The following NUP205 variants were observed in gnomAD, a reference collection of about 807,000 sequenced individuals.
NUP205 encodes the protein nucleoporin 205.
A neutral mutation model predicts 253.8 loss-of-function variants in NUP205; 76 were observed. The observed-to-expected ratio is 0.30, with a 90% CI of 0.25 to 0.36. The LOEUF (loss-of-function observed/expected upper bound fraction) is 0.36, where lower values mean the gene tolerates loss of function less well. Among genes scored for constraint, NUP205 ranks in the 10% least tolerant of loss-of-function variants. The probability of loss-of-function intolerance (pLI) is 1.00; values close to 1 mark genes in which losing one functional copy is unlikely to be tolerated. For synonymous variants in NUP205, 832 were observed against 850.1 expected (o/e 0.98, Z 0.37); for missense variants, 2,162 against 2,425.5 (o/e 0.89, Z 2.28).
chr7:135,618,768 G>C (rs1261689690), intron 28 of NUP205, among the ~76,000 whole-genome samples, 165 bp downstream of exon 28: 2 of 152,306 alleles, frequency 1.3e-5, no homozygotes, highest in Admixed American at 6.5e-5. Context: ...CTGTACAGTA[G>C]TGGCTCTCAA....
intron 36 of NUP205, among the ~76,000 whole-genome samples, chr7:135,635,966 G>C (rs1012485904): frequency 3.3e-5 from 5 of 151,994 alleles, no homozygotes; most frequent in Admixed American, 6.6e-5. Context: ...CATAGTTTTG[G>C]TTACATTAAT....
intron 32 of NUP205, among the ~76,000 whole-genome samples, chr7:135,625,571 CCTCA>C (rs1297405718): frequency 2.0e-5 from 3 of 152,280 alleles, no homozygotes; most frequent in African/African-American, 2.4e-5. Context: ...CTGCTGCTTC[CCTCA>C]CTCACTCAGG....
intron 36 of NUP205, among the ~76,000 whole-genome samples, chr7:135,637,048 C>A (rs1405133495): frequency 6.6e-6 from 1 of 152,116 alleles, no homozygotes; most frequent in East Asian, 1.9e-4. Context: ...GTATTATGTA[C>A]GTGTATACCT....
chr7:135,594,724 A>G lies in NUP205; in HGVS notation c.2008A>G (p.Thr670Ala), dbSNP rs766483323. 3.5e-5 allele frequency: 56 copies of G among 1,611,452 alleles called. No individual in the cohort carries two copies. The highest frequency in any genetic ancestry group is 2.2e-4 in the Admixed American group (13 of 59,694). ...AASLWQSLEY[T>A]QILQTVRIPS... ...TTCCCTCTGGCAGTCATTGGAATAC[A>G]CTCAGGTAGGGCTCTGAAGTCCCTT... Residue 670 changes from threonine to alanine, a missense_variant, in exon 13 of 43, where the codon ACT becomes GCT. Coordinates refer to ENST00000285968, the MANE Select transcript of NUP205 (RefSeq NM_015135.3).
chr7:135,591,461 A>G lies in NUP205; in HGVS notation c.1485A>G (p.Ser495=). ...TCTCTCTTTTTCAGGTTGTCTTGTC[A>G]AAGTTTGTTAGGCAAATGGGTGACC... ...QRPPQRQVVL[S]KFVRQMGDLL... is the part of the protein sequence containing the mutation. The change falls in exon 11 of 43, where the codon TCA becomes TCG. Residue 495 remains serine, a synonymous_variant. Coordinates refer to ENST00000285968, the MANE Select transcript of NUP205 (RefSeq NM_015135.3). The G allele has an allele frequency of 1.2e-6, 2 of 1,613,952 alleles. No individual in the cohort carries two copies. Among genetic ancestry groups the G allele is most frequent in the Non-Finnish European group, 1.7e-6 (2 of 1,179,882 alleles).
At chr7:135,558,957 CA>C (rs1305530524) in intron 1 of NUP205, among the ~76,000 whole-genome samples, 1 of 152,166 alleles carries the variant, frequency 6.6e-6, no homozygotes, top group Non-Finnish European at 1.5e-5. Flanking sequence ...TTTTGTAAAT[CA>C]AATCATTTCA....
At chr7:135,597,971 C>G (rs748496440) in intron 14 of NUP205, 27 bp from the exon 15 acceptor site, 1 of 1,584,032 alleles carries the variant, frequency 6.3e-7, no homozygotes, top group African/African-American at 1.3e-5. Context: ...TTTTTATTAC[C>G]AAGTTTTCTT....
At chr7:135,647,764 G>T (rs1465091504) in intron 42 of NUP205, among the ~76,000 whole-genome samples, 1 of 152,130 alleles carries the variant, frequency 6.6e-6, no homozygotes. Context: ...CTCACACTCT[G>T]TGTTGTGATT....
chr7:135,616,720 A>G lies in NUP205; in HGVS notation c.3526A>G (p.Thr1176Ala), dbSNP rs895892622. 6.5e-6 allele frequency: 10 copies of G among 1,549,506 alleles called. No individual in the cohort carries two copies. The highest frequency in any genetic ancestry group is 8.7e-6 in the Non-Finnish European group (10 of 1,149,594). Residue 1176 changes from threonine to alanine, a missense_variant, in exon 25 of 43, where the codon ACA becomes GCA. Around this residue, in one of 5 missense-constraint regions of NUP205, gnomAD observed 1,144 missense variants for 1,280.9 expected, o/e 0.89. Transcript: ENST00000285968. ...VSGFLHFDTA[T>A]KVRRKILNIL... ...TGGGTTCCTTCACTTTGACACTGCT[A>G]CAAAAGGTAATGCCCTTTGAATTTG...
At chr7:135,643,819 A>C (rs757598315) in intron 39 of NUP205, among the ~76,000 whole-genome samples, 36 of 152,174 alleles carry the variant, frequency 2.4e-4, no homozygotes, top group Non-Finnish European at 7.4e-5. Flanking sequence ...TTAATAACTA[A>C]AGATGCTGCA....
At chr7:135,571,344 T>A in intron 2 of NUP205, 97 bp downstream of exon 2, 1 of 884,622 alleles carries the variant, frequency 1.1e-6, no homozygotes, top group African/African-American at 1.8e-5. Context: ...TTTTCAAATT[T>A]TTTTCAGAAA....
At chr7:135,587,774 T>C in intron 9 of NUP205, 81 bp from the exon 10 acceptor site, 1 of 1,540,296 alleles carries the variant, frequency 6.5e-7, no homozygotes, top group South Asian at 1.2e-5. Flanking sequence ...TCAGGTGTAA[T>C]ACTTTAAATG....
Position 135,607,378 on chromosome 7 carries a change from A to C in NUP205, c.3195+7A>C. The C allele has an allele frequency of 1.2e-6, 2 of 1,612,782 alleles. No homozygotes were observed. The highest frequency in any genetic ancestry group is 1.7e-6 in the Non-Finnish European group (2 of 1,179,418). Reference sequence around the variant, plus strand: ...GGCTGAGCTATGTTACCAGGTACACAGAAAACTGCGTTTTGTGGTACTGAA... The same window carrying C: ...GGCTGAGCTATGTTACCAGGTACACCGAAAACTGCGTTTTGTGGTACTGAA... On this transcript the variant is annotated splice_region_variant and intron_variant, in intron 22 of 42. Transcript: ENST00000285968.
intron 33 of NUP205, among the ~76,000 whole-genome samples, chr7:135,627,704 A>G (rs1370029259): frequency 6.6e-6 from 1 of 152,202 alleles, no homozygotes; most frequent in Non-Finnish European, 1.5e-5. Flanking sequence ...ATGTTTTGGA[A>G]GTTTCAAGCA....
chr7:135,579,094 A>G (rs751350588), intron 7 of NUP205, among the ~76,000 whole-genome samples, 179 bp downstream of exon 7: 3 of 152,212 alleles, frequency 2.0e-5, no homozygotes, highest in Non-Finnish European at 4.4e-5. Flanking sequence ...CTTGTCTCTC[A>G]AAAATATCAT....
chr7:135,585,294 A>G (rs374412486), intron 8 of NUP205, among the ~76,000 whole-genome samples: 38 of 152,282 alleles, frequency 2.5e-4, no homozygotes, highest in African/African-American at 8.7e-4. Flanking sequence ...TTCTATGTAC[A>G]CCTGAAGGGA....
intron 21 of NUP205, 105 bp from the exon 22 acceptor site, chr7:135,607,142 A>T: frequency 7.3e-7 from 1 of 1,375,856 alleles, no homozygotes; most frequent in Non-Finnish European, 1.0e-6. Context: ...AAGAGTGTTT[A>T]CAGTACAGCA....
chr7:135,593,037 T>C lies in NUP205; in HGVS notation c.1675T>C (p.Phe559Leu). The change falls in exon 12 of 43, where the codon TTT becomes CTT. Residue 559 changes from phenylalanine to leucine, a missense_variant. Phe to Leu is a conservative substitution (Grantham distance 22). This residue lies in a region of NUP205 where 892 missense variants were observed against 957.1 expected (regional missense o/e 0.93). Coordinates refer to ENST00000285968, the MANE Select transcript of NUP205 (RefSeq NM_015135.3). ...CAGTCCTGTTTCCTGGGAACATTTC[T>C]TTCACTCCTTGATGCTTTACCACGA... ...GGSPVSWEHFFHSLMLYHEHL... is the reference protein window; with the variant it reads ...GGSPVSWEHFLHSLMLYHEHL... 1 of 1,614,056 alleles carries C rather than the reference T, an allele frequency of 6.2e-7. No homozygotes were observed. Among genetic ancestry groups the C allele is most frequent in the South Asian group, 1.1e-5 (1 of 91,076 alleles).
chr7:135,565,760 C>T (rs999614391), intron 1 of NUP205, among the ~76,000 whole-genome samples: 1 of 152,156 alleles, frequency 6.6e-6, no homozygotes, highest in Non-Finnish European at 1.5e-5. Context: ...TGTTCTAGTC[C>T]ATCAACCACA....
Sources: allele counts gnomAD v4.1 joint callset (sites outside exome capture counted in the v4.1 genomes callset), GRCh38; gene constraint gnomAD v4.1.1; regional missense constraint gnomAD v4.1.1; transcripts MANE v1.5; gene names NCBI Gene and HGNC (gene_info 2026-07-23, HGNC 2026-07-21).